Variants in SLC40A1 observed in about 807,000 individuals in gnomAD.
The protein encoded by SLC40A1 is solute carrier family 40 member 1.
SLC40A1 carries 16 observed loss-of-function variants against 53.5 expected under a neutral mutation model. The ratio of observed to expected loss-of-function variants is 0.30; its 90% CI spans 0.20 to 0.45. The LOEUF (loss-of-function observed/expected upper bound fraction) is 0.45. Among genes scored for constraint, SLC40A1 ranks in the 20% least tolerant of loss-of-function variants. SLC40A1 has a pLI of 1.00. For missense variants in SLC40A1, 545 were observed against 695.4 expected (o/e 0.78, Z 2.43); for synonymous variants, 247 against 253.2 (o/e 0.98, Z 0.23).
Position 189,565,603 on chromosome 2 carries a change from GAGAGGCAGGTGAA to G in SLC40A1, c.515-17_515-5del. On this transcript the variant is annotated splice_polypyrimidine_tract_variant and splice_region_variant and intron_variant, in intron 5 of 7. Transcript: ENST00000261024. ...CTTCGTATTGTGGCATTCATATCTA[GAGAGGCAGGTGAA>G]AGAGGCAGGTAAGTGTGCAAACCCA... is the stretch of plus-strand genomic sequence containing the variant. 1 of 1,614,170 alleles carries G rather than the reference GAGAGGCAGGTGAA, an allele frequency of 6.2e-7. No homozygotes were observed. Among genetic ancestry groups the G allele is most frequent in the Non-Finnish European group, 8.5e-7 (1 of 1,180,038 alleles).
At position 189,561,648 on chromosome 2, in the gene SLC40A1, G is replaced by A. The variant is rs923572599; in HGVS notation, c.*230C>T. Reference sequence around the variant, plus strand: ...ATTCAGTGTTATCATTATAGTCTCCGTATTTAAACTGAGTTTTTCTTTTCC... The same window carrying A: ...ATTCAGTGTTATCATTATAGTCTCCATATTTAAACTGAGTTTTTCTTTTCC... On this transcript the variant is annotated 3_prime_UTR_variant, in exon 8 of 8. Coordinates refer to ENST00000261024, the MANE Select transcript of SLC40A1 (RefSeq NM_014585.6). 25 of 523,190 alleles carry A rather than the reference G, an allele frequency of 4.8e-5. No homozygotes were observed. Among genetic ancestry groups the A allele is most frequent in the Middle Eastern group, 5.2e-4 (1 of 1,932 alleles). The allele number at this position is 523,190 out of a possible 1,614,324, so 32.4% of individuals were successfully genotyped here.
chr2:189,576,340 T>C (rs7600491), intron 2 of SLC40A1, among the ~76,000 whole-genome samples: 118,218 of 152,128 alleles, frequency 0.78, 48,142 homozygotes, highest in Non-Finnish European at 0.89. Flanking sequence ...AACATCTTCA[T>C]GAAAAAATCC....
In SLC40A1 at chr2:189,572,663, A is replaced by C. The variant is rs991744699; in HGVS notation, c.387+183T>G. On this transcript the variant is annotated intron_variant, in intron 4 of 7. Transcript: ENST00000261024. ...CAAAATTTAAATTCAAACAATACTT[A>C]ATGAGTGCCTGTTGTGGGCAAAACA... is the stretch of plus-strand genomic sequence containing the variant. 4 of 621,256 alleles carry C rather than the reference A, an allele frequency of 6.4e-6. No individual in the cohort carries two copies. In the African/African-American group the frequency reaches 7.4e-5, roughly 11 times the overall value. The allele number at this position is 621,256 out of a possible 1,614,324, so 38.5% of individuals were successfully genotyped here.
rs375536880 is a variant in SLC40A1 at position 189,565,608 on chromosome 2, G to A, written c.515-9C>T. ...TATTGTGGCATTCATATCTAGAGAGGCAGGTGAAAGAGGCAGGTAAGTGTG... is the reference window on the plus strand; with the variant it reads ...TATTGTGGCATTCATATCTAGAGAGACAGGTGAAAGAGGCAGGTAAGTGTG... On this transcript the variant is annotated splice_polypyrimidine_tract_variant and intron_variant, in intron 5 of 7. Coordinates refer to ENST00000261024, the MANE Select transcript of SLC40A1 (RefSeq NM_014585.6). 19 of 1,614,042 alleles carry A rather than the reference G, an allele frequency of 1.2e-5. No individual in the cohort carries two copies. The highest frequency in any genetic ancestry group is 1.6e-5 in the Non-Finnish European group (19 of 1,180,048).
chr2:189,560,748 T>C lies in SLC40A1; in HGVS notation c.*1130A>G, dbSNP rs11539983. ...GTATTGCAGTCTCCATGAAAGTGCA[T>C]ATAAACGGTTAAGGCAAAGTACCAT... is the stretch of plus-strand genomic sequence containing the variant. On this transcript the variant is annotated 3_prime_UTR_variant, in exon 8 of 8. Coordinates refer to ENST00000261024, the MANE Select transcript of SLC40A1 (RefSeq NM_014585.6). 12,634 of 152,620 alleles carry C rather than the reference T, an allele frequency of 0.083. 1,298 individuals are homozygous for C. The highest frequency in any genetic ancestry group is 0.24 in the African/African-American group (9,853 of 41,480). The allele number at this position is 152,620 out of a possible 1,614,324, so 9.5% of individuals were successfully genotyped here.
chr2:189,564,601 G>A (rs1315940889), intron 6 of SLC40A1, among the ~76,000 whole-genome samples: 2 of 152,132 alleles, frequency 1.3e-5, no homozygotes, highest in East Asian at 3.9e-4. Flanking sequence ...AGCACTTTGG[G>A]AGGCCGAGGC....
At chr2:189,567,359 G>C (rs959841569) in intron 5 of SLC40A1, among the ~76,000 whole-genome samples, 1 of 152,170 alleles carries the variant, frequency 6.6e-6, no homozygotes, top group Non-Finnish European at 1.5e-5. Flanking sequence ...AATCAATAAA[G>C]AGGAAGTTAA....
At chr2:189,573,752 T>C (rs1054418169) in intron 3 of SLC40A1, among the ~76,000 whole-genome samples, 4 of 152,200 alleles carry the variant, frequency 2.6e-5, no homozygotes, top group African/African-American at 9.6e-5. Context: ...TTGGAAAACA[T>C]GAAGTTCTAT....
At chr2:189,579,124 G>C (rs995935195) in intron 2 of SLC40A1, among the ~76,000 whole-genome samples, 1 of 152,088 alleles carries the variant, frequency 6.6e-6, no homozygotes, top group African/African-American at 2.4e-5. Context: ...AGAGTTTTAG[G>C]AGCCCAGATC....
At chr2:189,571,533 C>T (rs771440983) in intron 5 of SLC40A1, among the ~76,000 whole-genome samples, 182 bp downstream of exon 5, 12 of 151,470 alleles carry the variant, frequency 7.9e-5, no homozygotes, top group African/African-American at 1.9e-4. Flanking sequence ...AAGTTAACTT[C>T]GTAACAGTGA....
chr2:189,565,621 G>A, intron 5 of SLC40A1, 22 bp from the exon 6 acceptor site: 3 of 1,614,078 alleles, frequency 1.9e-6, no homozygotes, highest in South Asian at 1.1e-5. Context: ...GGTGAAAGAG[G>A]CAGGTAAGTG....
intron 5 of SLC40A1, among the ~76,000 whole-genome samples, chr2:189,565,917 T>C (rs2030924958): frequency 6.6e-6 from 1 of 152,212 alleles, no homozygotes; most frequent in African/African-American, 2.4e-5. Context: ...AGCTAGTCAT[T>C]ATTCTCAACA....
At position 189,572,279 on chromosome 2, in the gene SLC40A1, A is replaced by C. The variant is rs149360545; in HGVS notation, c.388-438T>G. 2.1e-3 allele frequency among the ~76,000 whole-genome samples: 323 copies of C among 152,286 alleles called. 1 individual carries two copies. The highest frequency in any genetic ancestry group is 6.9e-3 in the African/African-American group (286 of 41,564). On this transcript the variant is annotated intron_variant, in intron 4 of 7. Coordinates refer to ENST00000261024, the MANE Select transcript of SLC40A1 (RefSeq NM_014585.6). ...ACTTTGTCTTAATTTTTTCAATAAAATGAAGGGAATAGGCTCAAAGATTTC... is the reference window on the plus strand; with the variant it reads ...ACTTTGTCTTAATTTTTTCAATAAACTGAAGGGAATAGGCTCAAAGATTTC...
chr2:189,561,561 T>C lies in SLC40A1; in HGVS notation c.*317A>G. 1 of 290,438 alleles carries C rather than the reference T, an allele frequency of 3.4e-6. No individual in the cohort carries two copies. Among genetic ancestry groups the C allele is most frequent in the Non-Finnish European group, 6.6e-6 (1 of 152,650 alleles). 18.0% of individuals were successfully genotyped at this position (290,438 alleles called of 1,614,324 possible). A position where few individuals can be genotyped will look rare whatever the true frequency, so the allele number is the denominator to read the frequency against. On this transcript the variant is annotated 3_prime_UTR_variant, in exon 8 of 8. Coordinates refer to ENST00000261024, the MANE Select transcript of SLC40A1 (RefSeq NM_014585.6). ...AGATAAGAATCTGTCAAATGATAAC[T>C]GAATTCACGTGACTAACCACTCTTT...
intron 2 of SLC40A1, among the ~76,000 whole-genome samples, chr2:189,577,674 G>C (rs1020609980): frequency 1.3e-5 from 2 of 149,552 alleles, no homozygotes; most frequent in African/African-American, 2.5e-5. Context: ...GAGTGTAGTG[G>C]TGTGATCACA....
chr2:189,564,301 T>C (rs2030857411), intron 6 of SLC40A1, 76 bp from the exon 7 acceptor site: 1 of 1,260,572 alleles, frequency 7.9e-7, no homozygotes, highest in Admixed American at 1.7e-5. Flanking sequence ...AGTACTTTTT[T>C]TCCTTCTATT....
At chr2:189,574,312 T>C (rs2031225322) in intron 3 of SLC40A1, among the ~76,000 whole-genome samples, 1 of 152,222 alleles carries the variant, frequency 6.6e-6, no homozygotes, top group African/African-American at 2.4e-5. Flanking sequence ...TTTCTCTATA[T>C]GTGTTCTGGT....
chr2:189,580,674 A>C lies in SLC40A1; in HGVS notation c.-214T>G. On this transcript the variant is annotated 5_prime_UTR_variant, in exon 1 of 8. Coordinates refer to ENST00000261024, the MANE Select transcript of SLC40A1 (RefSeq NM_014585.6). ...TTCCTTCTTTCCAAACTTAGCTAACACTGTAGCTGAAGTTGGAAAGGCAAA... is the reference window on the plus strand; with the variant it reads ...TTCCTTCTTTCCAAACTTAGCTAACCCTGTAGCTGAAGTTGGAAAGGCAAA... 1 of 1,486,346 alleles carries C rather than the reference A, an allele frequency of 6.7e-7. No homozygotes were observed. The highest frequency in any genetic ancestry group is 8.9e-7 in the Non-Finnish European group (1 of 1,121,534). The allele number at this position is 1,486,346 out of a possible 1,614,324, so 92.1% of individuals were successfully genotyped here.
In SLC40A1 at chr2:189,580,557, G is replaced by T. The variant is rs761424968; in HGVS notation, c.-97C>A. On this transcript the variant is annotated 5_prime_UTR_variant, in exon 1 of 8. Transcript: ENST00000261024. Reference sequence around the variant, plus strand: ...ACAGGAGTGCAAGGAACTGGAGATAGCACCTCTAAAAACACAACAGCCTTG... The same window carrying T: ...ACAGGAGTGCAAGGAACTGGAGATATCACCTCTAAAAACACAACAGCCTTG... 6.2e-7 allele frequency: 1 copy of T among 1,603,284 alleles called. No homozygotes were observed. Among genetic ancestry groups the T allele is most frequent in the Non-Finnish European group, 8.5e-7 (1 of 1,178,688 alleles).
Sources: allele counts gnomAD v4.1 joint callset (sites outside exome capture counted in the v4.1 genomes callset), GRCh38; gene constraint gnomAD v4.1.1; transcripts MANE v1.5; gene names NCBI Gene and HGNC (gene_info 2026-07-23, HGNC 2026-07-21).